The following CHN2 variants were observed in gnomAD, a reference collection of about 807,000 sequenced individuals.
CHN2 encodes the protein chimerin 2, also known as beta-chimaerin.
A neutral mutation model predicts 56.3 loss-of-function variants in CHN2; 35 were observed. The observed-to-expected ratio is 0.62, with a 90% CI of 0.47 to 0.82. The LOEUF is 0.82. Ranked by LOEUF, CHN2 falls within the 40% of genes least tolerant of loss-of-function variation. The pLI, the probability that CHN2 is intolerant of heterozygous loss-of-function variation, is 0.00. For synonymous variants in CHN2, 210 were observed against 212.8 expected (o/e 0.99, Z 0.12); for missense variants, 491 against 580.5 (o/e 0.85, Z 1.58).
chr7:29,161,127 A>G (rs1354578108), intron 2 of CHN2, among the ~76,000 whole-genome samples: 3 of 152,124 alleles, frequency 2.0e-5, no homozygotes, highest in Non-Finnish European at 4.4e-5. Context: ...CTTATCTATG[A>G]TGAGCAAGAT....
chr7:29,263,862 G>A (rs897138112), intron 1 of CHN2, among the ~76,000 whole-genome samples: 1 of 149,074 alleles, frequency 6.7e-6, no homozygotes, highest in Non-Finnish European at 1.5e-5. Flanking sequence ...GAGCCCCTCC[G>A]CCCGGCAGCC....
rs1182624802 is a variant in CHN2 at position 29,264,056 on chromosome 7, C to T, written c.49+69066C>T. Among the ~76,000 whole-genome samples the T allele has an allele frequency of 7.3e-5, 11 of 150,484 alleles. No individual in the cohort carries two copies. In the East Asian group the frequency reaches 1.2e-3, roughly 17 times the overall value. On this transcript the variant is annotated intron_variant, in intron 1 of 12. Coordinates refer to ENST00000222792, the MANE Select transcript of CHN2 (RefSeq NM_004067.4). Reference sequence around the variant, plus strand: ...TGGGGGGTGGGGGGCAGCCCCCATCCGGCCGCCGCCCCGTCCGGGAGGTGG... The same window carrying T: ...TGGGGGGTGGGGGGCAGCCCCCATCTGGCCGCCGCCCCGTCCGGGAGGTGG...
Position 29,446,020 on chromosome 7 carries a change from G to A in CHN2, c.577-34259G>A, listed in dbSNP as rs567872358. Among the ~76,000 whole-genome samples the A allele has an allele frequency of 8.5e-5, 13 of 152,158 alleles. No homozygotes were observed. The East Asian group carries it at 2.5e-3, about 29-fold the overall frequency. On this transcript the variant is annotated intron_variant, in intron 6 of 12. Transcript: ENST00000222792. Reference sequence around the variant, plus strand: ...GGTTCTCAGCCTTGGAGGCACATGAGCATCATCTGGGAGCTTCTAAAAACC... The same window carrying A: ...GGTTCTCAGCCTTGGAGGCACATGAACATCATCTGGGAGCTTCTAAAAACC...
chr7:29,471,060 A>G (rs1785984915), intron 6 of CHN2, among the ~76,000 whole-genome samples: 1 of 152,348 alleles, frequency 6.6e-6, no homozygotes, highest in African/African-American at 2.4e-5. Flanking sequence ...TTAGTTTTAC[A>G]AAAGTTTTAA....
intron 6 of CHN2, among the ~76,000 whole-genome samples, chr7:29,472,487 T>G (rs1489534460): frequency 1.3e-5 from 2 of 152,162 alleles, no homozygotes; most frequent in African/African-American, 2.4e-5. Flanking sequence ...CTGGGCAGGA[T>G]TTAACATTTT....
rs997342076 is a variant in CHN2, at chr7:29,504,669, A to G, written c.914-75A>G. 1.4e-5 allele frequency: 13 copies of G among 940,530 alleles called. No homozygotes were observed. The Admixed American group carries it at 2.5e-4, about 18-fold the overall frequency. The allele number at this position is 940,530 out of a possible 1,614,324, so 58.3% of individuals were successfully genotyped here. On this transcript the variant is annotated intron_variant, in intron 9 of 12. Transcript: ENST00000222792. ...CATTTTCTGATAGCATGTAGTATAGACGTGAAATTAGTCTTTTTTTTTTTT... is the reference window on the plus strand; with the variant it reads ...CATTTTCTGATAGCATGTAGTATAGGCGTGAAATTAGTCTTTTTTTTTTTT...
intron 1 of CHN2, among the ~76,000 whole-genome samples, chr7:29,302,354 A>C (rs34909652): frequency 0.27 from 40,025 of 150,518 alleles, 5,817 homozygotes; most frequent in Non-Finnish European, 0.32. Context: ...CTTCTTCCAG[A>C]GTCTCACTGT....
chr7:29,484,025 C>T, intron 7 of CHN2: 1 of 552,668 alleles, frequency 1.8e-6, no homozygotes, highest in South Asian at 1.5e-5. Flanking sequence ...TTGTGCCTCT[C>T]ACTTGTATTT....
At chr7:29,259,064 A>G (rs1789322137) in intron 1 of CHN2, among the ~76,000 whole-genome samples, 1 of 151,550 alleles carries the variant, frequency 6.6e-6, no homozygotes. Flanking sequence ...TCAGTGGCTC[A>G]TGCCTGTAAT....
chr7:29,464,799 C>T (rs1230730777), intron 6 of CHN2, among the ~76,000 whole-genome samples: 1 of 152,198 alleles, frequency 6.6e-6, no homozygotes, highest in African/African-American at 2.4e-5. Flanking sequence ...CCATCTGCTT[C>T]CAGCACCCAG....
intron 6 of CHN2, among the ~76,000 whole-genome samples, chr7:29,454,332 T>C (rs538966274): frequency 7.0e-6 from 1 of 143,370 alleles, no homozygotes; most frequent in South Asian, 2.2e-4. Context: ...TAGTCATTAT[T>C]GCTGTTACAT....
At chr7:29,450,212 A>G (rs1363585029) in intron 6 of CHN2, among the ~76,000 whole-genome samples, 1 of 152,222 alleles carries the variant, frequency 6.6e-6, no homozygotes, top group Non-Finnish European at 1.5e-5. Flanking sequence ...TTAACACTAA[A>G]GGAAGGTAGC....
intron 1 of CHN2, among the ~76,000 whole-genome samples, chr7:29,286,945 TAGTTGTGGTTA>T (rs1275628851): frequency 1.3e-5 from 2 of 152,180 alleles, no homozygotes; most frequent in Non-Finnish European, 2.9e-5. Flanking sequence ...AGAAGTGTTT[TAGTTGTGGTTA>T]AATTTGACAG....
chr7:29,394,589 C>T (rs1281286774), intron 4 of CHN2, among the ~76,000 whole-genome samples: 1 of 152,238 alleles, frequency 6.6e-6, no homozygotes, highest in Admixed American at 6.5e-5. Context: ...ACCTTCCTCG[C>T]AGCACCCTGG....
At chr7:29,302,541 A>C (rs10228547) in intron 1 of CHN2, among the ~76,000 whole-genome samples, 56 of 138,502 alleles carry the variant, frequency 4.0e-4, no homozygotes, top group African/African-American at 1.5e-3. Flanking sequence ...GGGTCTCACT[A>C]TATTACCCAG....
At chr7:29,367,818 T>A in intron 2 of CHN2, 114 bp from the exon 3 acceptor site, 6 of 789,250 alleles carry the variant, frequency 7.6e-6, no homozygotes, top group Non-Finnish European at 1.1e-5. Flanking sequence ...CTTGTTTTTT[T>A]ATATTTACAA....
At chr7:29,330,515 T>C (rs548972445) in intron 1 of CHN2, among the ~76,000 whole-genome samples, 5 of 152,356 alleles carry the variant, frequency 3.3e-5, no homozygotes, top group Admixed American at 2.6e-4. Context: ...CTGAAACTTG[T>C]CTTTTGAAAG....
chr7:29,293,369 C>A (rs975452880), intron 1 of CHN2, among the ~76,000 whole-genome samples: 3 of 116,176 alleles, frequency 2.6e-5, no homozygotes, highest in East Asian at 3.4e-4. Flanking sequence ...AATGCCCCCC[C>A]CCCCCCCCAT....
chr7:29,486,310 C>A (rs969959455), intron 7 of CHN2, among the ~76,000 whole-genome samples: 1 of 152,208 alleles, frequency 6.6e-6, no homozygotes, highest in African/African-American at 2.4e-5. Flanking sequence ...GGAGCCCTCT[C>A]CTCACTCCCT....
Sources: allele counts gnomAD v4.1 joint callset (sites outside exome capture counted in the v4.1 genomes callset), GRCh38; gene constraint gnomAD v4.1.1; transcripts MANE v1.5; gene names NCBI Gene and HGNC (gene_info 2026-07-23, HGNC 2026-07-21).